NRG3: variants seen among roughly 807,000 people sequenced by gnomAD.
The protein encoded by NRG3 is neuregulin 3, also known as pro-neuregulin-3, membrane-bound isoform.
A neutral mutation model predicts 66.9 loss-of-function variants in NRG3; 31 were observed. The ratio of observed to expected loss-of-function variants is 0.46; its 90% CI spans 0.35 to 0.63. NRG3 has a LOEUF of 0.63. Ranked by LOEUF, NRG3 falls within the 20% of genes least tolerant of loss-of-function variation. The probability of loss-of-function intolerance (pLI) is 0.00; values close to 1 mark genes in which losing one functional copy is unlikely to be tolerated. For synonymous variants in NRG3, 393 were observed against 359.4 expected, an observed-to-expected ratio of 1.09 and a Z score of -1.06; for missense variants, 910 against 878.9, an observed-to-expected ratio of 1.04 and a Z score of -0.45.
At chr10:82,233,344 G>A (rs567922982) in intron 1 of NRG3, among the ~76,000 whole-genome samples, 55 of 152,084 alleles carry the variant, frequency 3.6e-4, no homozygotes, top group African/African-American at 9.7e-4. Flanking sequence ...CAGCCTGGGC[G>A]ACAGAGCGAG....
chr10:82,801,506 C>T (rs972814679), intron 3 of NRG3, among the ~76,000 whole-genome samples: 1 of 152,132 alleles, frequency 6.6e-6, no homozygotes, highest in Non-Finnish European at 1.5e-5. Flanking sequence ...TGAATTACAG[C>T]CATCAAGCTG....
At chr10:82,879,846 TAATGTTTCC>T (rs1372769266) in intron 4 of NRG3, among the ~76,000 whole-genome samples, 2 of 152,122 alleles carry the variant, frequency 1.3e-5, no homozygotes, top group African/African-American at 4.8e-5. Flanking sequence ...TGTTAAATAT[TAATGTTTCC>T]AACAGGATTG....
At chr10:82,426,269 A>G (rs2089433632) in intron 2 of NRG3, among the ~76,000 whole-genome samples, 2 of 152,144 alleles carry the variant, frequency 1.3e-5, no homozygotes, top group South Asian at 2.1e-4. Context: ...GGCTCCCGCT[A>G]AAGCTGGGAC....
intron 2 of NRG3, among the ~76,000 whole-genome samples, chr10:82,419,069 A>G (rs1184049663): frequency 6.6e-6 from 1 of 152,184 alleles, no homozygotes; most frequent in Admixed American, 6.6e-5. Flanking sequence ...ACAGGGATAA[A>G]CCAAGAGCGC....
chr10:82,025,717 T>C (rs1207780922), intron 1 of NRG3, among the ~76,000 whole-genome samples: 1 of 152,146 alleles, frequency 6.6e-6, no homozygotes, highest in African/African-American at 2.4e-5. Context: ...TTTATATTTC[T>C]TAGGTTACTA....
At chr10:82,280,000 C>T (rs1392116478) in intron 1 of NRG3, among the ~76,000 whole-genome samples, 1 of 152,114 alleles carries the variant, frequency 6.6e-6, no homozygotes, top group Admixed American at 6.6e-5. Flanking sequence ...GGAGAGAAGT[C>T]TCCAGGCTGA....
intron 1 of NRG3, among the ~76,000 whole-genome samples, chr10:81,968,241 TG>T (rs2133345011): frequency 1.3e-5 from 2 of 152,310 alleles, no homozygotes; most frequent in East Asian, 3.9e-4. Context: ...GGATTCTCAT[TG>T]GCCAAATGCC....
chr10:82,198,847 A>G (rs1378518644), intron 1 of NRG3, among the ~76,000 whole-genome samples: 1 of 152,022 alleles, frequency 6.6e-6, no homozygotes, highest in Non-Finnish European at 1.5e-5. Context: ...AAATACAAAA[A>G]TTAGCCAGGT....
Position 82,246,906 on chromosome 10 carries a change from C to T in NRG3, c.824-111833C>T, listed in dbSNP as rs78053715. On this transcript the variant is annotated intron_variant, in intron 1 of 8. Transcript: ENST00000372141. ...CACTTCTCTAATATAGGATCACACCCTCTGCCTTGGCTACATAAGAGAACT... is the reference window on the plus strand; with the variant it reads ...CACTTCTCTAATATAGGATCACACCTTCTGCCTTGGCTACATAAGAGAACT... Among the ~76,000 whole-genome samples the T allele has an allele frequency of 8.6e-3, 1,312 of 152,278 alleles. 12 individuals carry two copies. The highest frequency in any genetic ancestry group is 0.03 in the African/African-American group (1,233 of 41,556).
intron 6 of NRG3, among the ~76,000 whole-genome samples, chr10:82,965,668 C>T (rs910827743): frequency 2.6e-5 from 4 of 151,618 alleles, no homozygotes; most frequent in African/African-American, 4.9e-5. Flanking sequence ...CCTAGGAGGC[C>T]GAGGTTGCAG....
chr10:82,261,170 C>T (rs2078007270), intron 1 of NRG3, among the ~76,000 whole-genome samples: 1 of 152,106 alleles, frequency 6.6e-6, no homozygotes, highest in Non-Finnish European at 1.5e-5. Context: ...AGGGAGAAAC[C>T]AGCTGGAGGT....
intron 4 of NRG3, among the ~76,000 whole-genome samples, chr10:82,874,186 G>A (rs186429376): frequency 2.0e-4 from 30 of 152,154 alleles, no homozygotes; most frequent in African/African-American, 7.0e-4. Context: ...GTGTATTTTA[G>A]TGAGCACTGG....
At chr10:82,635,913 C>G (rs1156427136) in intron 2 of NRG3, among the ~76,000 whole-genome samples, 1 of 152,030 alleles carries the variant, frequency 6.6e-6, no homozygotes, top group East Asian at 1.9e-4. Flanking sequence ...AGGAGATTGC[C>G]TGGTGAGTGG....
chr10:82,123,773 T>C (rs2068245770), intron 1 of NRG3, among the ~76,000 whole-genome samples: 1 of 152,098 alleles, frequency 6.6e-6, no homozygotes, highest in Admixed American at 6.6e-5. Flanking sequence ...AACAGTGGAA[T>C]CGTCTGGAAA....
chr10:81,926,415 C>G (rs557053556), intron 1 of NRG3, among the ~76,000 whole-genome samples: 1 of 152,206 alleles, frequency 6.6e-6, no homozygotes, highest in East Asian at 1.9e-4. Context: ...GCCACCATGC[C>G]CAGCCCATAA....
At chr10:82,643,902 A>G (rs981465427) in intron 2 of NRG3, among the ~76,000 whole-genome samples, 3 of 20,808 alleles carry the variant, frequency 1.4e-4, no homozygotes, top group African/African-American at 2.9e-4. Flanking sequence ...ACACACACAC[A>G]CCCACACACA....
At chr10:82,381,038 A>G (rs927067538) in intron 2 of NRG3, among the ~76,000 whole-genome samples, 1 of 152,184 alleles carries the variant, frequency 6.6e-6, no homozygotes, top group African/African-American at 2.4e-5. Flanking sequence ...AAGAAGATGC[A>G]GTATGATTTC....
chr10:82,434,071 C>T (rs949185486), intron 2 of NRG3, among the ~76,000 whole-genome samples: 45 of 152,260 alleles, frequency 3.0e-4, no homozygotes, highest in African/African-American at 1.1e-3. Flanking sequence ...TTGATTCTTC[C>T]TATCCATGAG....
intron 1 of NRG3, among the ~76,000 whole-genome samples, chr10:82,024,806 G>T (rs574381113): frequency 6.6e-6 from 1 of 152,196 alleles, no homozygotes; most frequent in Non-Finnish European, 1.5e-5. Context: ...ACTGTGTTCA[G>T]GAGTATACGA....
Sources: gnomAD v4.1 joint callset for allele counts (sites outside exome capture counted in the v4.1 genomes callset) on GRCh38, gnomAD v4.1.1 for gene constraint, MANE v1.5 for transcripts, NCBI Gene and HGNC (gene_info 2026-07-23, HGNC 2026-07-21) for gene names.